The following CSGALNACT1 variants were observed in gnomAD, a reference collection of about 807,000 sequenced individuals.
The protein encoded by CSGALNACT1 is beta4GalNAcT-1.
A neutral mutation model predicts 51.0 loss-of-function variants in CSGALNACT1; 52 were observed. The observed-to-expected ratio is 1.02, with a 90% CI of 0.82 to 1.29. The LOEUF is 1.29. Ranked by LOEUF, CSGALNACT1 falls within the 50% of genes most tolerant of loss-of-function variation. CSGALNACT1 has a pLI of 0.00. For missense variants in CSGALNACT1, 935 were observed against 679.2 expected (o/e 1.38, Z -4.19); for synonymous variants, 341 against 254.4 (o/e 1.34, Z -3.24).
intron 1 of CSGALNACT1, among the ~76,000 whole-genome samples, chr8:19,693,236 G>A (rs1211039300): frequency 6.6e-6 from 1 of 151,958 alleles, no homozygotes; most frequent in Non-Finnish European, 1.5e-5. Flanking sequence ...TGCTTGTGGT[G>A]ATATCTCCAG....
rs141290899 is a variant in CSGALNACT1, at chr8:19,655,028, A to T, written c.-544+27445T>A. Among the ~76,000 whole-genome samples, 22 of 152,334 alleles carry T rather than the reference A, an allele frequency of 1.4e-4. No homozygotes were observed. In the East Asian group the frequency reaches 4.2e-3, roughly 29 times the overall value. On this transcript the variant is annotated intron_variant, in intron 1 of 9. Transcript: ENST00000332246. ...CTGACATACATTCCTTTATTTAAAA[A>T]ATGGGTATCAAAATACATTGAGTAA...
chr8:19,638,199 TC>T (rs2056331963), intron 1 of CSGALNACT1, among the ~76,000 whole-genome samples: 1 of 149,006 alleles, frequency 6.7e-6, no homozygotes. Context: ...GACAGCCACA[TC>T]CACCTCACCC....
intron 1 of CSGALNACT1, among the ~76,000 whole-genome samples, chr8:19,752,346 C>T (rs1352029301): frequency 6.6e-6 from 1 of 152,046 alleles, no homozygotes; most frequent in Admixed American, 6.6e-5. Context: ...GGAACTTCAG[C>T]CCACTCTCTG....
intron 6 of CSGALNACT1, among the ~76,000 whole-genome samples, chr8:19,429,874 T>C (rs752164390): frequency 1.3e-5 from 2 of 152,232 alleles, no homozygotes; most frequent in African/African-American, 2.4e-5. Context: ...TTTCTCTGCC[T>C]CCTCAGAGAC....
At chr8:19,458,771 G>A (rs1020618089) in intron 4 of CSGALNACT1, 129 bp from the exon 4 acceptor site, 20 of 890,482 alleles carry the variant, frequency 2.2e-5, no homozygotes, top group African/African-American at 8.4e-5. Flanking sequence ...ACAATTATTC[G>A]AAAATTCAAA....
intron 8 of CSGALNACT1, among the ~76,000 whole-genome samples, chr8:19,417,924 C>A (rs2057206026): frequency 6.6e-6 from 1 of 152,202 alleles, no homozygotes; most frequent in African/African-American, 2.4e-5. Context: ...TTTCCTCCTG[C>A]TGCTTGCATT....
Position 19,408,598 on chromosome 8 carries a change from G to A in CSGALNACT1, c.1309+15C>T, listed in dbSNP as rs375308802. The A allele has an allele frequency of 1.2e-4, 192 of 1,600,990 alleles. 1 individual carries two copies. The Admixed American group carries it at 1.9e-3, about 16-fold the overall frequency. On this transcript the variant is annotated intron_variant, in intron 9 of 9. Transcript: ENST00000454498. ...GTGGCCTCTGGGTGGCAGTAGAGATGCAGATTTGTCCTACCTATATTGATG... is the reference window on the plus strand; with the variant it reads ...GTGGCCTCTGGGTGGCAGTAGAGATACAGATTTGTCCTACCTATATTGATG...
chr8:19,547,528 C>G (rs2086762126), intron 3 of CSGALNACT1, among the ~76,000 whole-genome samples: 1 of 152,148 alleles, frequency 6.6e-6, no homozygotes, highest in African/African-American at 2.4e-5. Flanking sequence ...CTTCGCTTGG[C>G]TCTCGTTTCT....
At chr8:19,691,276 C>T (rs933077623) in intron 1 of CSGALNACT1, among the ~76,000 whole-genome samples, 2 of 152,170 alleles carry the variant, frequency 1.3e-5, no homozygotes. Flanking sequence ...CCATAAATTT[C>T]AGCCAACGAT....
intron 4 of CSGALNACT1, among the ~76,000 whole-genome samples, chr8:19,480,937 C>G (rs1586897619): frequency 6.6e-6 from 1 of 152,240 alleles, no homozygotes; most frequent in East Asian, 1.9e-4. Context: ...CTCTTGTGCC[C>G]TGCTGTTTTG....
chr8:19,497,323 G>C (rs192820420), intron 4 of CSGALNACT1, among the ~76,000 whole-genome samples: 1 of 152,226 alleles, frequency 6.6e-6, no homozygotes, highest in African/African-American at 2.4e-5. Context: ...TTGCAGGGCT[G>C]AACAGACAAT....
chr8:19,510,784 C>G (rs915441827), intron 3 of CSGALNACT1, among the ~76,000 whole-genome samples: 1 of 152,136 alleles, frequency 6.6e-6, no homozygotes, highest in Non-Finnish European at 1.5e-5. Context: ...CAATATTTGT[C>G]AAGATAAGAT....
At chr8:19,506,933 T>C (rs2077447364) in intron 3 of CSGALNACT1, among the ~76,000 whole-genome samples, 1 of 152,160 alleles carries the variant, frequency 6.6e-6, no homozygotes, top group Non-Finnish European at 1.5e-5. Context: ...GCAGCAAGAA[T>C]GAACTAAGCC....
intron 4 of CSGALNACT1, among the ~76,000 whole-genome samples, chr8:19,476,574 G>C (rs4311666): frequency 0.78 from 118,685 of 151,986 alleles, 46,617 homozygotes; most frequent in East Asian, 0.87. Context: ...CAGTCATGAC[G>C]CCCAAATTCT....
chr8:19,545,061 C>A (rs961324390), intron 3 of CSGALNACT1, among the ~76,000 whole-genome samples: 2 of 152,096 alleles, frequency 1.3e-5, no homozygotes, highest in Non-Finnish European at 2.9e-5. Context: ...GACGACACAG[C>A]GACTCCTGGG....
At chr8:19,753,822 C>T (rs2065191788) in intron 1 of CSGALNACT1, among the ~76,000 whole-genome samples, 1 of 152,144 alleles carries the variant, frequency 6.6e-6, no homozygotes, top group Non-Finnish European at 1.5e-5. Context: ...AGTAATTTTT[C>T]TACCAAATAG....
intron 5 of CSGALNACT1, among the ~76,000 whole-genome samples, chr8:19,442,040 A>G (rs1414167746): frequency 6.6e-6 from 1 of 152,248 alleles, no homozygotes; most frequent in African/African-American, 2.4e-5. Flanking sequence ...ACCAGTTAGA[A>G]TGGTGATCAT....
At chr8:19,487,026 CTGT>C (rs1177325836) in intron 4 of CSGALNACT1, among the ~76,000 whole-genome samples, 1 of 152,196 alleles carries the variant, frequency 6.6e-6, no homozygotes, top group Non-Finnish European at 1.5e-5. Context: ...AATCCTTTAG[CTGT>C]TATTTTTGGG....
intron 8 of CSGALNACT1, among the ~76,000 whole-genome samples, chr8:19,411,080 T>C (rs1339518366): frequency 6.6e-6 from 1 of 152,196 alleles, no homozygotes; most frequent in East Asian, 1.9e-4. Context: ...TCTTGGATTC[T>C]CCATGCTCAC....
Sources: allele counts gnomAD v4.1 joint callset (sites outside exome capture counted in the v4.1 genomes callset), GRCh38; gene constraint gnomAD v4.1.1; transcripts MANE v1.5; gene names NCBI Gene and HGNC (gene_info 2026-07-23, HGNC 2026-07-21).